Variants in SNTG2 observed in about 807,000 individuals in gnomAD.
The protein encoded by SNTG2 is syntrophin gamma 2.
A neutral mutation model predicts 70.9 loss-of-function variants in SNTG2; 74 were observed. The observed-to-expected ratio is 1.04, with a 90% CI of 0.86 to 1.27. The LOEUF (loss-of-function observed/expected upper bound fraction) is 1.27, where lower values mean the gene tolerates loss of function less well. Ranked by LOEUF, SNTG2 falls within the 50% of genes most tolerant of loss-of-function variation. SNTG2 has a pLI of 0.00. For missense variants in SNTG2, 717 were observed against 690.7 expected, an observed-to-expected ratio of 1.04 and a Z score of -0.43; for synonymous variants, 278 against 273.8, an observed-to-expected ratio of 1.02 and a Z score of -0.15.
intron 1 of SNTG2, among the ~76,000 whole-genome samples, chr2:1,012,252 T>C (rs187144782): frequency 2.6e-5 from 4 of 152,336 alleles, no homozygotes; most frequent in East Asian, 1.9e-4. Context: ...GGACTTGCCA[T>C]GGAGCTTCCA....
chr2:1,300,740 A>G (rs992088117), intron 14 of SNTG2, among the ~76,000 whole-genome samples: 1 of 152,100 alleles, frequency 6.6e-6, no homozygotes, highest in Non-Finnish European at 1.5e-5. Flanking sequence ...GCTAATCTTA[A>G]TGCTTTTGTT....
chr2:1,095,820 T>C (rs2148205067), intron 2 of SNTG2, among the ~76,000 whole-genome samples: 1 of 152,336 alleles, frequency 6.6e-6, no homozygotes, highest in East Asian at 1.9e-4. Context: ...AGAAATTCCA[T>C]ACAGAGAGGC....
intron 9 of SNTG2, among the ~76,000 whole-genome samples, chr2:1,225,622 G>A (rs746442130): frequency 3.3e-5 from 5 of 152,282 alleles, no homozygotes; most frequent in East Asian, 1.9e-4. Flanking sequence ...TTGAGCCAGC[G>A]CTTCTGTCAT....
chr2:1,091,538 C>T (rs1432085229), intron 2 of SNTG2, among the ~76,000 whole-genome samples: 5 of 152,164 alleles, frequency 3.3e-5, no homozygotes, highest in African/African-American at 1.2e-4. Flanking sequence ...GACTGCAGCT[C>T]CCAGAGACCC....
rs201810008 is a variant in SNTG2 at position 1,361,748 on chromosome 2, A to G, written c.1489-5595A>G. ...TGCTGAGCATTTCAGTAGAACTTCC[A>G]TGAAGGTCACCGATGCTGAGCATTT... On this transcript the variant is annotated intron_variant, in intron 16 of 16. Transcript: ENST00000308624. 5.7e-3 allele frequency among the ~76,000 whole-genome samples: 207 copies of G among 36,578 alleles called. 3 individuals are homozygous for G. The highest frequency in any genetic ancestry group is 0.015 in the East Asian group (8 of 546). 24.0% of individuals were successfully genotyped at this position (36,578 alleles called of 152,430 possible).
chr2:964,777 G>A lies in SNTG2; in HGVS notation c.72+13709G>A, dbSNP rs548495700. On this transcript the variant is annotated intron_variant, in intron 1 of 16. Transcript: ENST00000308624. ...CACAGCGGGTCCCGCCCTGTGCCAG[G>A]AAGAATCTGAGCAGCCTTGCCGTCC... 1.4e-3 allele frequency among the ~76,000 whole-genome samples: 213 copies of A among 152,312 alleles called. 1 individual carries two copies. Among genetic ancestry groups the A allele is most frequent in the Non-Finnish European group, 2.5e-3 (173 of 68,014 alleles).
intron 1 of SNTG2, among the ~76,000 whole-genome samples, chr2:955,874 C>T (rs1322137077): frequency 1.3e-5 from 2 of 152,202 alleles, no homozygotes; most frequent in African/African-American, 4.8e-5. Context: ...GGGGTCCCAG[C>T]TACCCTCCTT....
chr2:1,221,942 T>C (rs1553361861), intron 9 of SNTG2, among the ~76,000 whole-genome samples: 18 of 838 alleles, frequency 0.021, 7 homozygotes, highest in African/African-American at 0.14. Flanking sequence ...TCTGTCTCTG[T>C]CTGTCTCTGT....
intron 6 of SNTG2, among the ~76,000 whole-genome samples, chr2:1,150,974 G>A (rs568000675): frequency 1.1e-3 from 171 of 152,320 alleles, no homozygotes; most frequent in African/African-American, 4.0e-3. Context: ...CTGGTGGGTT[G>A]TGGTTTGGGC....
intron 9 of SNTG2, among the ~76,000 whole-genome samples, chr2:1,230,185 T>C (rs1285714748): frequency 2.6e-5 from 4 of 152,242 alleles, no homozygotes; most frequent in African/African-American, 4.8e-5. Flanking sequence ...ATTGTTTTAA[T>C]GATGAAGTTT....
Position 1,360,897 on chromosome 2 carries a change from C to T in SNTG2, c.1489-6446C>T, listed in dbSNP as rs536990608. Among the ~76,000 whole-genome samples the T allele has an allele frequency of 1.4e-4, 21 of 152,322 alleles. No individual in the cohort carries two copies. The South Asian group carries it at 3.9e-3, about 29-fold the overall frequency. On this transcript the variant is annotated intron_variant, in intron 16 of 16. Coordinates refer to ENST00000308624, the MANE Select transcript of SNTG2 (RefSeq NM_018968.4). Reference sequence around the variant, plus strand: ...TCTGCATAACGATTCCAGTCACCTGCGTGTCCCAGTGGTTTTTTGTCTTAC... The same window carrying T: ...TCTGCATAACGATTCCAGTCACCTGTGTGTCCCAGTGGTTTTTTGTCTTAC...
intron 4 of SNTG2, among the ~76,000 whole-genome samples, chr2:1,112,600 T>C (rs1177765712): frequency 1.4e-5 from 2 of 144,742 alleles, no homozygotes; most frequent in Non-Finnish European, 3.0e-5. Flanking sequence ...TCGTGTGTAC[T>C]AAGTGAGGTT....
intron 14 of SNTG2, among the ~76,000 whole-genome samples, chr2:1,301,803 T>A (rs1680466058): frequency 6.6e-6 from 1 of 152,086 alleles, no homozygotes; most frequent in South Asian, 2.1e-4. Context: ...TTAAGAGAGT[T>A]TAGTATCAGC....
intron 8 of SNTG2, among the ~76,000 whole-genome samples, chr2:1,205,888 C>T (rs538920864): frequency 1.3e-5 from 2 of 152,206 alleles, no homozygotes; most frequent in East Asian, 3.9e-4. Context: ...CATATAAATG[C>T]TACAGGATGG....
intron 2 of SNTG2, among the ~76,000 whole-genome samples, chr2:1,084,461 G>A (rs1160031424): frequency 6.6e-6 from 1 of 152,078 alleles, no homozygotes; most frequent in African/African-American, 2.4e-5. Context: ...GCTGGCACCC[G>A]GTCCGCCCTC....
intron 1 of SNTG2, among the ~76,000 whole-genome samples, chr2:951,320 C>T (rs6720676): frequency 6.6e-6 from 1 of 152,228 alleles, no homozygotes; most frequent in East Asian, 1.9e-4. Context: ...CAGCGTCTTC[C>T]AAGGTTTGGT....
At chr2:1,159,899 A>C (rs1044510562) in intron 6 of SNTG2, among the ~76,000 whole-genome samples, 3 of 152,228 alleles carry the variant, frequency 2.0e-5, no homozygotes, top group Admixed American at 1.3e-4. Flanking sequence ...AAGGGGAGGG[A>C]CTAAGAAACT....
chr2:1,165,791 A>G (rs1442332943), intron 7 of SNTG2, among the ~76,000 whole-genome samples, 156 bp downstream of exon 7: 1 of 152,180 alleles, frequency 6.6e-6, no homozygotes, highest in East Asian at 1.9e-4. Context: ...GGCATCATGT[A>G]GTCCCATGAC....
At chr2:1,235,438 GA>G (rs1363771128) in intron 9 of SNTG2, among the ~76,000 whole-genome samples, 3 of 119,802 alleles carry the variant, frequency 2.5e-5, no homozygotes, top group African/African-American at 9.7e-5. Context: ...CGATTCATGA[GA>G]GGGGGCGCCC....
Sources: gnomAD v4.1 joint callset for allele counts (sites outside exome capture counted in the v4.1 genomes callset) on GRCh38, gnomAD v4.1.1 for gene constraint, MANE v1.5 for transcripts, NCBI Gene and HGNC (gene_info 2026-07-23, HGNC 2026-07-21) for gene names.